The following ODAD2 variants were observed in gnomAD, a reference collection of about 807,000 sequenced individuals.
ODAD2 encodes outer dynein arm docking complex subunit 2.
A neutral mutation model predicts 106.8 loss-of-function variants in ODAD2; 89 were observed. The observed-to-expected ratio is 0.83, with a 90% CI of 0.70 to 0.99. The LOEUF (loss-of-function observed/expected upper bound fraction) is 0.99. Among genes scored for constraint, ODAD2 ranks in the 50% least tolerant of loss-of-function variants. The probability of loss-of-function intolerance (pLI) is 0.00; values close to 1 mark genes in which losing one functional copy is unlikely to be tolerated. For missense variants in ODAD2, 1,168 were observed against 1,238.5 expected (o/e 0.94, Z 0.85); for synonymous variants, 404 against 436.2 (o/e 0.93, Z 0.92).
chr10:27,935,403 T>A, intron 15 of ODAD2, 151 bp from the exon 16 acceptor site: 1 of 1,073,422 alleles, frequency 9.3e-7, no homozygotes, highest in Non-Finnish European at 1.3e-6. Flanking sequence ...TGGTAAATAG[T>A]AGAGCTGACG....
intron 7 of ODAD2, among the ~76,000 whole-genome samples, chr10:27,980,812 T>C (rs955701889): frequency 1.3e-5 from 2 of 152,052 alleles, no homozygotes; most frequent in African/African-American, 4.8e-5. Flanking sequence ...GACCCAGAAA[T>C]TCCACTTTTA....
chr10:27,838,039 C>G (rs1355914043), intron 19 of ODAD2, among the ~76,000 whole-genome samples: 3 of 151,198 alleles, frequency 2.0e-5, no homozygotes, highest in Non-Finnish European at 4.4e-5. Context: ...TTTTAAATAA[C>G]AAAAATGGAT....
At chr10:27,928,694 TCTTATACAGATGAATATA>T (rs1845418319) in intron 16 of ODAD2, among the ~76,000 whole-genome samples, 1 of 152,120 alleles carries the variant, frequency 6.6e-6, no homozygotes, top group Non-Finnish European at 1.5e-5. Context: ...GGCAAAATCA[TCTTATACAGATGAATATA>T]CATACTATGC....
rs1389720132 is a variant in ODAD2 at position 27,956,887 on chromosome 10, C to CAT, written c.1386+4679_1386+4680dup. ...AATACCCATTTGCATGAATTTATAACATATAGTACTTGTAACTAATATTTA... is the reference window on the plus strand; with the variant it reads ...AATACCCATTTGCATGAATTTATAACATATATAGTACTTGTAACTAATATTTA... On this transcript the variant is annotated intron_variant, in intron 10 of 19. Transcript: ENST00000305242. Among the ~76,000 whole-genome samples, 3 of 152,300 alleles carry CAT rather than the reference C, an allele frequency of 2.0e-5. No individual in the cohort carries two copies. In the East Asian group the frequency reaches 5.8e-4, roughly 29 times the overall value.
chr10:27,899,320 G>C (rs1280411239), intron 17 of ODAD2, among the ~76,000 whole-genome samples: 3 of 152,130 alleles, frequency 2.0e-5, no homozygotes, highest in Non-Finnish European at 4.4e-5. Context: ...GCAACCCGCA[G>C]ACCAGGAGAT....
At chr10:27,832,339 G>A (rs538830627) in intron 19 of ODAD2, among the ~76,000 whole-genome samples, 15 of 152,196 alleles carry the variant, frequency 9.9e-5, no homozygotes, top group Non-Finnish European at 2.1e-4. Flanking sequence ...ATTTTATCAC[G>A]CATGCCCTCT....
At chr10:27,968,125 C>G (rs1388390806) in intron 9 of ODAD2, among the ~76,000 whole-genome samples, 2 of 150,652 alleles carry the variant, frequency 1.3e-5, no homozygotes, top group African/African-American at 4.9e-5. Context: ...ATGCTTGAAA[C>G]AAATGAAAAA....
intron 19 of ODAD2, among the ~76,000 whole-genome samples, chr10:27,819,564 C>A (rs1456786424): frequency 7.6e-6 from 1 of 130,778 alleles, no homozygotes; most frequent in Non-Finnish European, 1.6e-5. Context: ...CATAGTGAGA[C>A]CCTGTCTCTT....
At chr10:27,880,595 G>A (rs769714252) in intron 17 of ODAD2, among the ~76,000 whole-genome samples, 5 of 152,160 alleles carry the variant, frequency 3.3e-5, no homozygotes, top group Admixed American at 6.5e-5. Context: ...TGAGGATGGA[G>A]CTCTAGTGAG....
chr10:27,850,171 G>C (rs529221403), intron 19 of ODAD2, among the ~76,000 whole-genome samples: 10 of 152,272 alleles, frequency 6.6e-5, no homozygotes, highest in African/African-American at 2.4e-4. Context: ...TTTGCTGGGC[G>C]TGGCGGCTCA....
intron 16 of ODAD2, among the ~76,000 whole-genome samples, chr10:27,908,977 AC>A (rs1843792534): frequency 6.6e-6 from 1 of 152,196 alleles, no homozygotes; most frequent in Non-Finnish European, 1.5e-5. Flanking sequence ...CAAACCTAAA[AC>A]TTTCATACCA....
At chr10:27,976,162 T>G (rs1415592827) in intron 7 of ODAD2, among the ~76,000 whole-genome samples, 2 of 152,122 alleles carry the variant, frequency 1.3e-5, no homozygotes, top group Admixed American at 1.3e-4. Flanking sequence ...AGCATCAAAC[T>G]TAATTGAAAG....
chr10:27,985,762 C>T (rs1218296646), intron 3 of ODAD2, among the ~76,000 whole-genome samples: 1 of 151,216 alleles, frequency 6.6e-6, no homozygotes, highest in Non-Finnish European at 1.5e-5. Context: ...TTGGAAAGCA[C>T]ATCTAGCCAT....
intron 16 of ODAD2, among the ~76,000 whole-genome samples, chr10:27,914,457 T>C (rs1021870464): frequency 6.6e-6 from 1 of 152,156 alleles, no homozygotes; most frequent in African/African-American, 2.4e-5. Flanking sequence ...TTATTGGGAA[T>C]TGTAAAATAG....
At chr10:27,847,087 T>C (rs1220786887) in intron 19 of ODAD2, among the ~76,000 whole-genome samples, 6 of 152,034 alleles carry the variant, frequency 3.9e-5, no homozygotes, top group Non-Finnish European at 7.4e-5. Flanking sequence ...GCCAGCATCA[T>C]CCTGATACCA....
At chr10:27,883,590 T>C (rs1841887770) in intron 17 of ODAD2, among the ~76,000 whole-genome samples, 1 of 152,158 alleles carries the variant, frequency 6.6e-6, no homozygotes, top group South Asian at 2.1e-4. Context: ...GTTGGCCTTA[T>C]TAGAAAAACT....
intron 16 of ODAD2, 52 bp from the exon 17 acceptor site, chr10:27,907,829 A>C: frequency 8.2e-7 from 1 of 1,214,906 alleles, no homozygotes; most frequent in South Asian, 1.3e-5. Context: ...ATGTGAAGAC[A>C]AACATTTTAA....
rs772303854 is a variant in ODAD2, at chr10:27,985,053, G to A, written c.541C>T (p.His181Tyr). ...TGTTTTAGAGAATGATTGAGGAGGT[G>A]CAGATCCAATTGCTTAAGCAGCATA... is the stretch of plus-strand genomic sequence containing the variant. ...IAMLLKQLDL[H>Y]LLNHSLKHIS... Residue 181 changes from histidine to tyrosine, a missense_variant, in exon 4 of 20, where the codon CAC becomes TAC. Physicochemically the swap from His to Tyr is moderately conservative, Grantham distance 83. Around this residue, in one of 3 missense-constraint regions of ODAD2, gnomAD observed 430 missense variants for 452.2 expected, o/e 0.95. Coordinates refer to ENST00000305242, the MANE Select transcript of ODAD2 (RefSeq NM_018076.5). The A allele has an allele frequency of 4.4e-5, 71 of 1,608,952 alleles. 1 individual carries two copies. The South Asian group carries it at 7.3e-4, about 17-fold the overall frequency.
chr10:27,812,684 A>G (rs542704930), intron 19 of ODAD2, 59 bp from the exon 20 acceptor site: 2 of 1,502,884 alleles, frequency 1.3e-6, no homozygotes, highest in East Asian at 2.5e-5. Flanking sequence ...ATCTAAAGAC[A>G]TAAAGTTAGG....
Sources: gnomAD v4.1 joint callset for allele counts (sites outside exome capture counted in the v4.1 genomes callset) on GRCh38, gnomAD v4.1.1 for gene constraint, gnomAD v4.1.1 regional missense constraint, MANE v1.5 for transcripts, NCBI Gene and HGNC (gene_info 2026-07-23, HGNC 2026-07-21) for gene names.